The following SPIDR variants were observed in gnomAD, a reference collection of about 807,000 sequenced individuals.
SPIDR encodes scaffold protein involved in DNA repair.
In SPIDR, 93 loss-of-function variants were observed where a neutral mutation model predicts 104.6. That is an observed-to-expected ratio of 0.89 (90% CI 0.75 to 1.06). The LOEUF (loss-of-function observed/expected upper bound fraction) is 1.06. SPIDR is among the 50% of genes least tolerant of loss of function. The probability of loss-of-function intolerance (pLI) is 0.00; values close to 1 mark genes in which losing one functional copy is unlikely to be tolerated. For synonymous variants in SPIDR, 431 were observed against 416.9 expected (o/e 1.03, Z -0.41); for missense variants, 1,154 against 1,111.2 (o/e 1.04, Z -0.55).
chr8:47,729,404 T>C lies in SPIDR; in HGVS notation c.2551-8T>C. The C allele has an allele frequency of 6.3e-7, 1 of 1,587,250 alleles. No individual in the cohort carries two copies. Among genetic ancestry groups the C allele is most frequent in the Non-Finnish European group, 8.6e-7 (1 of 1,166,798 alleles). ...GAGTTTAACCCAGCCCTGCTTCTGC[T>C]GTTGCAGCTGTTGCAGCGCAGCATT... On this transcript the variant is annotated splice_polypyrimidine_tract_variant and splice_region_variant and intron_variant, in intron 18 of 19. Transcript: ENST00000297423.
intron 8 of SPIDR, among the ~76,000 whole-genome samples, chr8:47,485,773 A>G (rs1240866388): frequency 2.0e-5 from 3 of 152,234 alleles, no homozygotes; most frequent in South Asian, 2.1e-4. Flanking sequence ...GCAAACTCCA[A>G]CAGACCTGCA....
intron 5 of SPIDR, among the ~76,000 whole-genome samples, chr8:47,388,959 A>C (rs570448544): frequency 6.6e-6 from 1 of 152,338 alleles, no homozygotes; most frequent in South Asian, 2.1e-4. Flanking sequence ...GGCTTCATAA[A>C]AACTACTCCT....
At chr8:47,719,900 T>G (rs2083155349) in intron 16 of SPIDR, among the ~76,000 whole-genome samples, 1 of 152,222 alleles carries the variant, frequency 6.6e-6, no homozygotes, top group Non-Finnish European at 1.5e-5. Context: ...TCTCTGTTTG[T>G]GTTGTACAGT....
At chr8:47,704,230 G>T (rs546398105) in intron 14 of SPIDR, among the ~76,000 whole-genome samples, 59 of 152,324 alleles carry the variant, frequency 3.9e-4, no homozygotes, top group Admixed American at 1.1e-3. Context: ...ACCACATTTA[G>T]CTCTTTATTT....
At chr8:47,703,077 C>T (rs2154484469) in intron 14 of SPIDR, among the ~76,000 whole-genome samples, 1 of 152,328 alleles carries the variant, frequency 6.6e-6, no homozygotes, top group South Asian at 2.1e-4. Flanking sequence ...ACACCCCTCA[C>T]TTTTCTTTTT....
chr8:47,276,459 A>T (rs2154218386), intron 1 of SPIDR, among the ~76,000 whole-genome samples: 1 of 152,352 alleles, frequency 6.6e-6, no homozygotes, highest in South Asian at 2.1e-4. Flanking sequence ...AAACCAGTTT[A>T]TTGAATTTCA....
chr8:47,261,572 A>C (rs2032326282), intron 1 of SPIDR, among the ~76,000 whole-genome samples: 1 of 152,150 alleles, frequency 6.6e-6, no homozygotes, highest in Admixed American at 6.5e-5. Flanking sequence ...TGTGCTTGTC[A>C]TGGCATGTGT....
At chr8:47,304,835 C>T (rs2154250589) in intron 5 of SPIDR, among the ~76,000 whole-genome samples, 1 of 152,254 alleles carries the variant, frequency 6.6e-6, no homozygotes, top group South Asian at 2.1e-4. Context: ...TTAATGGTTC[C>T]TGTATTAGGA....
At position 47,263,407 on chromosome 8, in the gene SPIDR, C is replaced by T. The variant is rs552151970; in HGVS notation, c.33+2416C>T. 4.0e-5 allele frequency among the ~76,000 whole-genome samples: 6 copies of T among 149,084 alleles called. No homozygotes were observed. In the East Asian group the frequency reaches 8.2e-4, roughly 20 times the overall value. On this transcript the variant is annotated intron_variant, in intron 1 of 19. Transcript: ENST00000297423. ...TGATTGAAACCTTTTTTTTTTGAGA[C>T]GCAGTCTCGCTCTGTCGCCCAGGCT...
intron 1 of SPIDR, among the ~76,000 whole-genome samples, 197 bp from the exon 2 acceptor site, chr8:47,279,665 T>C (rs1168477096): frequency 1.3e-5 from 2 of 152,212 alleles, no homozygotes; most frequent in Non-Finnish European, 2.9e-5. Flanking sequence ...TGGAGTTTGC[T>C]GATTAATTGT....
intron 16 of SPIDR, among the ~76,000 whole-genome samples, chr8:47,719,214 G>T (rs569250786): frequency 1.3e-5 from 2 of 152,160 alleles, no homozygotes; most frequent in South Asian, 4.2e-4. Flanking sequence ...TCATAGAAAC[G>T]ATGTAAGTAC....
intron 10 of SPIDR, among the ~76,000 whole-genome samples, chr8:47,630,836 T>TGGGATATAGACCACATCCATATATCCGAC (rs1563367351): frequency 2.6e-5 from 4 of 152,204 alleles, no homozygotes; most frequent in Non-Finnish European, 4.4e-5. Context: ...TCCTGGTTCT[T>TGGGATATAGACCACATCCATATATCCGAC]GTTCACATGG....
chr8:47,286,426 A>G (rs2038863598), intron 3 of SPIDR, among the ~76,000 whole-genome samples: 1 of 152,128 alleles, frequency 6.6e-6, no homozygotes, highest in African/African-American at 2.4e-5. Context: ...TTACATATAT[A>G]AGTCTGATAG....
intron 5 of SPIDR, among the ~76,000 whole-genome samples, chr8:47,327,250 A>G (rs1426794991): frequency 1.3e-5 from 2 of 152,164 alleles, no homozygotes; most frequent in Non-Finnish European, 2.9e-5. Context: ...ATCTTCTTGG[A>G]AAAAATATCT....
At chr8:47,272,152 A>G (rs2035467558) in intron 1 of SPIDR, among the ~76,000 whole-genome samples, 2 of 151,842 alleles carry the variant, frequency 1.3e-5, no homozygotes, top group South Asian at 2.1e-4. Flanking sequence ...ATTTTTAGTG[A>G]GATGAGCTTT....
chr8:47,654,089 C>T (rs1390176924), intron 10 of SPIDR: 16 of 1,289,802 alleles, frequency 1.2e-5, no homozygotes, highest in South Asian at 3.7e-5. Flanking sequence ...TTAGGCCCCA[C>T]CATGTGTGTA....
intron 8 of SPIDR, among the ~76,000 whole-genome samples, chr8:47,500,425 G>A (rs2080204622): frequency 6.6e-6 from 1 of 152,118 alleles, no homozygotes; most frequent in Admixed American, 6.6e-5. Flanking sequence ...GTGTCTTTTG[G>A]CTGCATAAAT....
chr8:47,261,053 C>T (rs948935118), intron 1 of SPIDR, 62 bp downstream of exon 1: 6 of 1,224,722 alleles, frequency 4.9e-6, no homozygotes, highest in Non-Finnish European at 5.1e-6. Flanking sequence ...AGCGGCGGGC[C>T]GGCGCGGGGC....
chr8:47,304,859 G>C (rs1333473802), intron 5 of SPIDR, among the ~76,000 whole-genome samples: 4 of 152,176 alleles, frequency 2.6e-5, no homozygotes, highest in African/African-American at 9.7e-5. Flanking sequence ...GGCCATGAGG[G>C]CCTTGCCCTC....
Sources: gnomAD v4.1 joint callset for allele counts (sites outside exome capture counted in the v4.1 genomes callset) on GRCh38, gnomAD v4.1.1 for gene constraint, MANE v1.5 for transcripts, NCBI Gene and HGNC (gene_info 2026-07-23, HGNC 2026-07-21) for gene names.